The following EYS variants were observed in gnomAD, a reference collection of about 807,000 sequenced individuals.
EYS encodes EGF-like photoreceptor maintenance factor.
Under a neutral mutation model 282.1 loss-of-function variants are expected in EYS, and 250 were observed. That is an observed-to-expected ratio of 0.89 (90% confidence interval 0.80 to 0.98). The LOEUF is 0.98. Among genes scored for constraint, EYS ranks in the 50% least tolerant of loss-of-function variants. The probability of loss-of-function intolerance (pLI) is 0.00; values close to 1 mark genes in which losing one functional copy is unlikely to be tolerated. For synonymous variants in EYS, 1,355 were observed against 1,282.9 expected (o/e 1.06, Z -1.20); for missense variants, 4,016 against 3,709.0 (o/e 1.08, Z -2.15).
At chr6:64,242,662 G>A (rs547559650) in intron 30 of EYS, among the ~76,000 whole-genome samples, 2 of 151,434 alleles carry the variant, frequency 1.3e-5, no homozygotes, top group South Asian at 2.1e-4. Flanking sequence ...TCATCGGCCT[G>A]GAATGTCTTC....
chr6:63,952,556 C>T (rs1408891244), intron 35 of EYS, among the ~76,000 whole-genome samples: 1 of 152,174 alleles, frequency 6.6e-6, no homozygotes, highest in African/African-American at 2.4e-5. Flanking sequence ...CCTCTTAAAA[C>T]TCCCCAACTC....
At chr6:65,081,780 A>T (rs1228863648) in intron 12 of EYS, among the ~76,000 whole-genome samples, 1 of 152,090 alleles carries the variant, frequency 6.6e-6, no homozygotes, top group Non-Finnish European at 1.5e-5. Context: ...TTTTAAGAAC[A>T]TCTAGGAAAA....
chr6:65,241,152 T>C (rs1391597911), intron 12 of EYS, among the ~76,000 whole-genome samples: 1 of 152,158 alleles, frequency 6.6e-6, no homozygotes, highest in Non-Finnish European at 1.5e-5. Flanking sequence ...TTATATATAG[T>C]TATTTTTCAC....
intron 26 of EYS, among the ~76,000 whole-genome samples, chr6:64,493,556 CT>C (rs1776797959): frequency 6.6e-6 from 1 of 151,524 alleles, no homozygotes; most frequent in South Asian, 2.1e-4. Flanking sequence ...CTCCTGCAGT[CT>C]TTCTATATCA....
At chr6:63,988,797 T>A (rs1295934491) in intron 34 of EYS, among the ~76,000 whole-genome samples, 2 of 151,622 alleles carry the variant, frequency 1.3e-5, no homozygotes, top group Admixed American at 1.3e-4. Flanking sequence ...GGAAAAGGCC[T>A]CCATATCTGA....
chr6:64,434,296 G>C (rs1271395924), intron 28 of EYS, among the ~76,000 whole-genome samples: 2 of 152,088 alleles, frequency 1.3e-5, no homozygotes, highest in Non-Finnish European at 2.9e-5. Flanking sequence ...CTGTAGAATA[G>C]TGAGAAAATT....
intron 14 of EYS, among the ~76,000 whole-genome samples, chr6:64,961,334 T>C (rs1412188857): frequency 6.6e-6 from 1 of 152,164 alleles, no homozygotes; most frequent in African/African-American, 2.4e-5. Flanking sequence ...TGTATGTATC[T>C]GTTGTTGTAA....
chr6:64,311,635 G>A (rs576701516), intron 29 of EYS, among the ~76,000 whole-genome samples: 3 of 152,242 alleles, frequency 2.0e-5, no homozygotes, highest in Admixed American at 1.3e-4. Flanking sequence ...CAAGATCAAC[G>A]CAGAAGGCAG....
intron 2 of EYS, among the ~76,000 whole-genome samples, chr6:65,546,385 TC>T (rs1173901193): frequency 6.6e-6 from 1 of 151,852 alleles, no homozygotes; most frequent in African/African-American, 2.4e-5. Flanking sequence ...TGCATAATTT[TC>T]AAAATGGCAA....
At chr6:63,781,652 G>A (rs1770230619) in intron 39 of EYS, among the ~76,000 whole-genome samples, 3 of 152,204 alleles carry the variant, frequency 2.0e-5, no homozygotes. Flanking sequence ...ATTTTGGGCT[G>A]AGACAATGGG....
chr6:64,544,248 T>C (rs770044063), intron 26 of EYS, among the ~76,000 whole-genome samples: 3 of 152,186 alleles, frequency 2.0e-5, no homozygotes, highest in Non-Finnish European at 4.4e-5. Flanking sequence ...TTGGAATAAG[T>C]TGACAGAAAT....
At chr6:63,979,744 T>C (rs1767002725) in intron 35 of EYS, among the ~76,000 whole-genome samples, 1 of 151,978 alleles carries the variant, frequency 6.6e-6, no homozygotes, top group South Asian at 2.1e-4. Flanking sequence ...ATAAGCCTTC[T>C]GTATCACTTT....
chr6:64,708,282 GA>G (rs1771099141), intron 22 of EYS, among the ~76,000 whole-genome samples: 1 of 152,172 alleles, frequency 6.6e-6, no homozygotes, highest in African/African-American at 2.4e-5. Flanking sequence ...GTATGACAGG[GA>G]AACCCTTAAG....
At chr6:65,418,204 T>C (rs983567454) in intron 5 of EYS, among the ~76,000 whole-genome samples, 1 of 152,088 alleles carries the variant, frequency 6.6e-6, no homozygotes, top group African/African-American at 2.4e-5. Flanking sequence ...GTATTCCTAG[T>C]AGAAAAACTA....
At chr6:65,225,573 G>C (rs953626893) in intron 12 of EYS, among the ~76,000 whole-genome samples, 3 of 151,702 alleles carry the variant, frequency 2.0e-5, no homozygotes, top group African/African-American at 7.3e-5. Flanking sequence ...AATTGGCCAG[G>C]CATGGTGGTG....
chr6:65,047,873 G>A (rs1433332648), intron 13 of EYS, among the ~76,000 whole-genome samples: 1 of 151,862 alleles, frequency 6.6e-6, no homozygotes, highest in Non-Finnish European at 1.5e-5. Flanking sequence ...TAAGGCAGAG[G>A]AGCTGTGTGG....
chr6:64,459,964 A>G (rs1158629952), intron 26 of EYS, among the ~76,000 whole-genome samples: 1 of 151,794 alleles, frequency 6.6e-6, no homozygotes, highest in African/African-American at 2.4e-5. Context: ...AAAAAAAGAC[A>G]AAACCCCAAA....
chr6:64,242,929 CAT>C (rs1766881350), intron 30 of EYS, among the ~76,000 whole-genome samples: 1 of 144,168 alleles, frequency 6.9e-6, no homozygotes, highest in Non-Finnish European at 1.5e-5. Context: ...ATATCATACT[CAT>C]TGATATATAT....
At chr6:65,561,855 T>C (rs963178624) in intron 2 of EYS, among the ~76,000 whole-genome samples, 15 of 151,780 alleles carry the variant, frequency 9.9e-5, no homozygotes, top group Non-Finnish European at 2.2e-4. Context: ...TATTATTTAG[T>C]TAATATTAAT....
Sources: allele counts gnomAD v4.1 joint callset (sites outside exome capture counted in the v4.1 genomes callset), GRCh38; gene constraint gnomAD v4.1.1; transcripts MANE v1.5; gene names NCBI Gene and HGNC (gene_info 2026-07-23, HGNC 2026-07-21).